Variants in NTRK1 observed in about 807,000 individuals in gnomAD.
NTRK1 encodes high affinity nerve growth factor receptor.
Under a neutral mutation model 86.8 loss-of-function variants are expected in NTRK1, and 62 were observed. That is an observed-to-expected ratio of 0.71 (90% CI 0.58 to 0.88). NTRK1 has a LOEUF of 0.88. Ranked by LOEUF, NTRK1 falls within the 40% of genes least tolerant of loss-of-function variation. The pLI, the probability that NTRK1 is intolerant of heterozygous loss-of-function variation, is 0.00. For missense variants in NTRK1, 967 were observed against 1,078.4 expected (o/e 0.90, Z 1.45); for synonymous variants, 469 against 456.6 (o/e 1.03, Z -0.35).
At chr1:156,826,842 A>G (rs772303810) in intron 1 of NTRK1, among the ~76,000 whole-genome samples, 2 of 152,176 alleles carry the variant, frequency 1.3e-5, no homozygotes, top group Non-Finnish European at 2.9e-5. Flanking sequence ...TACTCCCACA[A>G]CACTACTGAA....
rs146967458 is a variant in NTRK1 at position 156,841,519 on chromosome 1, G to A, written c.-63-562G>A. ...GGGTCACAATCTCCCAGAGTACCAC[G>A]CCAAAGGACCTGGGGGCATGCAGGA... is the stretch of plus-strand genomic sequence containing the variant. On this transcript the variant is annotated intron_variant, in intron 1 of 16. Transcript: ENST00000392302. 724 of 1,613,966 alleles carry A rather than the reference G, an allele frequency of 4.5e-4. 4 individuals are homozygous for A. The African/African-American group carries it at 9.0e-3, about 20-fold the overall frequency.
intron 1 of NTRK1, among the ~76,000 whole-genome samples, chr1:156,829,725 T>G (rs1419991672): frequency 1.3e-5 from 2 of 152,174 alleles, no homozygotes; most frequent in African/African-American, 4.8e-5. Flanking sequence ...CGATCTCGGC[T>G]CACGCAACCT....
At chr1:156,843,067 T>A in intron 2 of NTRK1, 1 of 1,614,222 alleles carries the variant, frequency 6.2e-7, no homozygotes, top group Non-Finnish European at 8.5e-7. Flanking sequence ...TGCATTCCCG[T>A]GGGCTGGCCA....
rs1211927670 is a variant in NTRK1 at position 156,861,164 on chromosome 1, G to T, written c.212+18G>T. On this transcript the variant is annotated intron_variant, in intron 1 of 16. Transcript: ENST00000524377. ...ACTGAGCTGTGAGTGTCCGGCGGGC[G>T]GTGGGGGGGCGCGGGGACAGGCAGG... 1.9e-6 allele frequency: 3 copies of T among 1,544,906 alleles called. No homozygotes were observed. Among genetic ancestry groups the T allele is most frequent in the East Asian group, 2.4e-5 (1 of 41,764 alleles).
At chr1:156,852,010 G>A in intron 2 of NTRK1, 1 of 1,613,416 alleles carries the variant, frequency 6.2e-7, no homozygotes. Context: ...CTGTGACACA[G>A]CGCCAGGACT....
rs2102917140 is a variant in NTRK1 at position 156,876,084 on chromosome 1, T to C, written c.1506T>C (p.Val502=). The C allele has an allele frequency of 6.2e-7, 1 of 1,614,120 alleles. No individual in the cohort carries two copies. Among genetic ancestry groups the C allele is most frequent in the South Asian group, 1.1e-5 (1 of 91,084 alleles). The change falls in exon 13 of 17, where the codon GTT becomes GTC. Residue 502 remains valine, a synonymous_variant. Coordinates refer to ENST00000524377, the MANE Select transcript of NTRK1 (RefSeq NM_002529.4). ...TGACCCTGCAAGCCCCCTCAGGTGTTCACCACATCAAGCGCCGGGACATCG... is the reference window on the plus strand; with the variant it reads ...TGACCCTGCAAGCCCCCTCAGGTGTCCACCACATCAAGCGCCGGGACATCG... ...ENPQYFSDAC[V]HHIKRRDIVL... is the part of the protein sequence containing the mutation.
chr1:156,847,760 A>G (rs1035588838), intron 2 of NTRK1, among the ~76,000 whole-genome samples: 6 of 151,872 alleles, frequency 4.0e-5, no homozygotes, highest in African/African-American at 1.5e-4. Context: ...TGGAGTCAGG[A>G]TTGGGCAGGA....
chr1:156,848,520 T>C (rs1655088336), intron 2 of NTRK1, among the ~76,000 whole-genome samples: 2 of 152,162 alleles, frequency 1.3e-5, no homozygotes, highest in Admixed American at 6.5e-5. Context: ...CCTCCCTTCC[T>C]AAGGCTTAAA....
In NTRK1 at chr1:156,841,722, C is replaced by A. The variant is rs139192917; in HGVS notation, c.-63-359C>A. 12 of 1,614,040 alleles carry A rather than the reference C, an allele frequency of 7.4e-6. No individual in the cohort carries two copies. The highest frequency in any genetic ancestry group is 1.0e-5 in the Non-Finnish European group (12 of 1,180,016). On this transcript the variant is annotated intron_variant, in intron 1 of 16. Coordinates refer to the NTRK1 transcript ENST00000392302. ...TTTGAGGGACTCGGGGGCCATCCAG[C>A]GCACGGGCAGCAGCCCCTTCCCACC...
At chr1:156,822,884 G>T (rs1338063749) in intron 1 of NTRK1, among the ~76,000 whole-genome samples, 2 of 152,108 alleles carry the variant, frequency 1.3e-5, no homozygotes, top group African/African-American at 4.8e-5. Context: ...GAGAGTCCCT[G>T]GGTACAAGAC....
chr1:156,873,000 A>G (rs145686782), intron 7 of NTRK1, among the ~76,000 whole-genome samples: 1,752 of 146,106 alleles, frequency 0.012, 18 homozygotes, highest in Non-Finnish European at 0.016. Flanking sequence ...TTTCAAACGC[A>G]TATCTTTTTT....
At chr1:156,845,148 C>A (rs1472444055) in intron 2 of NTRK1, 1 of 1,611,880 alleles carries the variant, frequency 6.2e-7, no homozygotes, top group Non-Finnish European at 8.5e-7. Flanking sequence ...TGGTTGCAGG[C>A]ATGGATGTCG....
chr1:156,820,546 C>G (rs915497461), intron 1 of NTRK1, among the ~76,000 whole-genome samples: 1 of 152,140 alleles, frequency 6.6e-6, no homozygotes, highest in Non-Finnish European at 1.5e-5. Flanking sequence ...CACATCCAGC[C>G]CCCCCAATGT....
At chr1:156,853,985 A>G (rs1183986549) in intron 2 of NTRK1, 10 of 1,613,490 alleles carry the variant, frequency 6.2e-6, no homozygotes, top group Non-Finnish European at 8.5e-6. Flanking sequence ...AGCCCCACGC[A>G]GCACGGCCCC....
At chr1:156,865,673 G>A (rs1192420125) in intron 3 of NTRK1, among the ~76,000 whole-genome samples, 1 of 152,154 alleles carries the variant, frequency 6.6e-6, no homozygotes, top group African/African-American at 2.4e-5. Flanking sequence ...CTGTGGCCTG[G>A]GAATTGGGGA....
At chr1:156,829,378 G>A (rs556418864) in intron 1 of NTRK1, among the ~76,000 whole-genome samples, 2 of 152,292 alleles carry the variant, frequency 1.3e-5, no homozygotes, top group East Asian at 1.9e-4. Context: ...GTGGGGCAGA[G>A]CAGGACTGAA....
At chr1:156,853,784 T>C in intron 2 of NTRK1, 2 of 1,608,818 alleles carry the variant, frequency 1.2e-6, no homozygotes, top group South Asian at 1.1e-5. Flanking sequence ...CCAGCATCTG[T>C]AGTCAGTGTG....
chr1:156,845,916 C>T (rs775205581), intron 2 of NTRK1: 13 of 1,602,330 alleles, frequency 8.1e-6, no homozygotes, highest in Middle Eastern at 1.7e-4. Context: ...CTTCCCCACC[C>T]GCCCCGCGGC....
Position 156,861,112 on chromosome 1 carries a change from C to A in NTRK1, c.178C>A (p.His60Asn), listed in dbSNP as rs564537453. Reference sequence around the variant, plus strand: ...CCGGGATGGGGCCCTGGATAGCCTCCACCACCTGCCCGGCGCAGAGAACCT... The same window carrying A: ...CCGGGATGGGGCCCTGGATAGCCTCAACCACCTGCCCGGCGCAGAGAACCT... ...CTRDGALDSLHHLPGAENLTE... is the reference protein window; with the variant it reads ...CTRDGALDSLNHLPGAENLTE... The change falls in exon 1 of 17, where the codon CAC becomes AAC. Residue 60 changes from histidine (H) to asparagine (N), a missense_variant. Transcript: ENST00000524377. 2.8e-5 allele frequency: 44 copies of A among 1,583,808 alleles called. No individual in the cohort carries two copies. In the South Asian group the frequency reaches 4.8e-4, roughly 17 times the overall value.
Sources: allele counts gnomAD v4.1 joint callset (sites outside exome capture counted in the v4.1 genomes callset), GRCh38; gene constraint gnomAD v4.1.1; transcripts MANE v1.5; gene names NCBI Gene and HGNC (gene_info 2026-07-23, HGNC 2026-07-21).